Variants in TSHR observed in about 807,000 individuals in gnomAD.
The protein encoded by TSHR is thyrotropin receptor.
TSHR carries 51 observed loss-of-function variants against 64.1 expected under a neutral mutation model. That is an observed-to-expected ratio of 0.80 (90% CI 0.64 to 1.01). TSHR has a LOEUF of 1.01. TSHR is among the 50% of genes least tolerant of loss of function. The pLI is 0.00. For synonymous variants in TSHR, 361 were observed against 361.9 expected (o/e 1.00, Z 0.03); for missense variants, 877 against 942.8 (o/e 0.93, Z 0.91).
intron 7 of TSHR, chr14:81,104,544 A>G: frequency 9.1e-6 from 9 of 985,412 alleles, no homozygotes; most frequent in Non-Finnish European, 1.1e-5. Context: ...GCCTCTTTCT[A>G]GGAGTCACCC....
chr14:81,057,469 A>C (rs1346476626), intron 1 of TSHR, among the ~76,000 whole-genome samples: 10 of 152,212 alleles, frequency 6.6e-5, no homozygotes, highest in Non-Finnish European at 1.3e-4. Context: ...AACACAAGGC[A>C]AGTGATAAAT....
At position 80,965,573 on chromosome 14, in the gene TSHR, C is replaced by T. The variant is rs973525205; in HGVS notation, c.170+9723C>T. 4.6e-5 allele frequency among the ~76,000 whole-genome samples: 7 copies of T among 152,270 alleles called. No homozygotes were observed. The East Asian group carries it at 5.8e-4, about 13-fold the overall frequency. On this transcript the variant is annotated intron_variant, in intron 1 of 9. Transcript: ENST00000298171. ...AAATTCTTCATACTGACTCTGTTTC[C>T]ATTTTTACTGAAGCTGGTCAACATA...
At chr14:81,094,679 A>ATTTTTTTTTTTTGTTTTTTTTTTTT (rs1889015569) in intron 6 of TSHR, among the ~76,000 whole-genome samples, 1 of 76,242 alleles carries the variant, frequency 1.3e-5, no homozygotes, top group Non-Finnish European at 2.1e-5. Context: ...TATTTTTTTA[A>ATTTTTTTTTTTTGTTTTTTTTTTTT]TTTTTTTTTT....
At chr14:80,977,511 A>T (rs1594908842) in intron 1 of TSHR, among the ~76,000 whole-genome samples, 1 of 152,224 alleles carries the variant, frequency 6.6e-6, no homozygotes, top group Non-Finnish European at 1.5e-5. Context: ...AGGGCTCAGT[A>T]GCACCCCAAG....
intron 3 of TSHR, chr14:81,079,023 T>C (rs916475809): frequency 1.3e-5 from 2 of 152,146 alleles, no homozygotes; most frequent in Non-Finnish European, 2.9e-5. Context: ...GTAGCAATTA[T>C]ATGTCAGTTA....
intron 1 of TSHR, among the ~76,000 whole-genome samples, chr14:81,015,131 T>G (rs1566763689): frequency 6.6e-6 from 1 of 152,152 alleles, no homozygotes; most frequent in Non-Finnish European, 1.5e-5. Flanking sequence ...TTTTGAAGCA[T>G]AGAAATTGGA....
At chr14:81,059,383 T>A (rs1183346213) in intron 1 of TSHR, among the ~76,000 whole-genome samples, 1 of 152,186 alleles carries the variant, frequency 6.6e-6, no homozygotes, top group Admixed American at 6.6e-5. Context: ...AGGCAATTTA[T>A]ACCAAAAGTC....
At chr14:81,029,058 C>T (rs1884215670) in intron 1 of TSHR, among the ~76,000 whole-genome samples, 1 of 151,358 alleles carries the variant, frequency 6.6e-6, no homozygotes, top group African/African-American at 2.4e-5. Flanking sequence ...GGATATATTT[C>T]TATAAAAAAC....
chr14:81,067,483 T>A (rs867519264), intron 2 of TSHR, among the ~76,000 whole-genome samples: 14 of 134,956 alleles, frequency 1.0e-4, no homozygotes, highest in Middle Eastern at 3.7e-3. Flanking sequence ...GTTTATAGTT[T>A]TATATATATA....
In TSHR at chr14:81,143,545, C is replaced by G; in HGVS notation, c.1487C>G (p.Thr496Arg). The change falls in exon 10 of 10, where the codon ACG becomes AGG. Residue 496 changes from threonine (T) to arginine (R), a missense_variant. By Grantham distance (71) the Thr-to-Arg change is moderately conservative. Transcript: ENST00000298171. ...IDWQTGPGCN[T>R]AGFFTVFASE... Reference sequence around the variant, plus strand: ...TGGCAGACAGGCCCTGGGTGCAACACGGCTGGTTTCTTCACTGTCTTTGCA... The same window carrying G: ...TGGCAGACAGGCCCTGGGTGCAACAGGGCTGGTTTCTTCACTGTCTTTGCA... 6.2e-7 allele frequency: 1 copy of G among 1,613,374 alleles called. No homozygotes were observed. Among genetic ancestry groups the G allele is most frequent in the Non-Finnish European group, 8.5e-7 (1 of 1,180,036 alleles).
chr14:81,127,483 A>C (rs1891064581), intron 8 of TSHR, among the ~76,000 whole-genome samples: 1 of 151,998 alleles, frequency 6.6e-6, no homozygotes, highest in South Asian at 2.1e-4. Flanking sequence ...AACATTGAGG[A>C]GGAGGCTATG....
chr14:81,137,867 A>T (rs1028115710), intron 8 of TSHR, among the ~76,000 whole-genome samples: 2 of 152,224 alleles, frequency 1.3e-5, no homozygotes, highest in Non-Finnish European at 2.9e-5. Context: ...AAGCAGGGAA[A>T]TGAGCCATGA....
At chr14:81,090,894 T>C (rs1307164027) in intron 4 of TSHR, among the ~76,000 whole-genome samples, 175 bp from the exon 5 acceptor site, 1 of 152,218 alleles carries the variant, frequency 6.6e-6, no homozygotes, top group African/African-American at 2.4e-5. Context: ...TATCATCTCA[T>C]CCAACCATCA....
intron 7 of TSHR, among the ~76,000 whole-genome samples, chr14:81,105,912 T>C (rs774431506): frequency 6.6e-6 from 1 of 152,166 alleles, no homozygotes; most frequent in African/African-American, 2.4e-5. Flanking sequence ...TGAACTTAGT[T>C]GTCTTTTTAC....
intron 7 of TSHR, among the ~76,000 whole-genome samples, chr14:81,098,006 C>T (rs1390776238): frequency 6.6e-6 from 1 of 151,852 alleles, no homozygotes; most frequent in Admixed American, 6.6e-5. Context: ...TTGGAGAGAC[C>T]CTCCTTCCAT....
intron 3 of TSHR, among the ~76,000 whole-genome samples, chr14:81,068,786 G>T (rs549185479): frequency 6.6e-6 from 1 of 151,984 alleles, no homozygotes; most frequent in African/African-American, 2.4e-5. Flanking sequence ...TTTGAACACC[G>T]GCATCTCTGC....
At chr14:81,033,251 T>C in intron 1 of TSHR, 2 of 478,426 alleles carry the variant, frequency 4.2e-6, no homozygotes, top group South Asian at 3.4e-5. Context: ...ATCCACTACT[T>C]GGTACTAGAT....
In TSHR at chr14:81,141,580, G is replaced by A. The variant is rs562428541; in HGVS notation, c.882-1360G>A. 2.0e-5 allele frequency among the ~76,000 whole-genome samples: 3 copies of A among 152,272 alleles called. No homozygotes were observed. In the South Asian group the frequency reaches 6.2e-4, roughly 32 times the overall value. On this transcript the variant is annotated intron_variant, in intron 9 of 9. Transcript: ENST00000298171. ...ATAGAACAGACAAGAATTCCCTCTT[G>A]TATTTTGCTTACTGTCTAATGGAGG...
chr14:81,069,312 A>C (rs1324777726), intron 3 of TSHR, among the ~76,000 whole-genome samples: 1 of 152,206 alleles, frequency 6.6e-6, no homozygotes, highest in Non-Finnish European at 1.5e-5. Context: ...TGACTTAAAA[A>C]TTCTTCCCTA....
Sources: gnomAD v4.1 joint callset for allele counts (sites outside exome capture counted in the v4.1 genomes callset) on GRCh38, gnomAD v4.1.1 for gene constraint, MANE v1.5 for transcripts, NCBI Gene and HGNC (gene_info 2026-07-23, HGNC 2026-07-21) for gene names.